Variants in PSMF1 observed in about 807,000 individuals in gnomAD.
The protein encoded by PSMF1 is proteasome inhibitor subunit 1.
Under a neutral mutation model 29.3 loss-of-function variants are expected in PSMF1, and 30 were observed. That is an observed-to-expected ratio of 1.02 (90% CI 0.77 to 1.39). The LOEUF (loss-of-function observed/expected upper bound fraction) is 1.39, where lower values mean the gene tolerates loss of function less well. PSMF1 is among the 40% of genes most tolerant of loss of function. The pLI, the probability that PSMF1 is intolerant of heterozygous loss-of-function variation, is 0.00. For synonymous variants in PSMF1, 134 were observed against 139.7 expected, an observed-to-expected ratio of 0.96 and a Z score of 0.29; for missense variants, 344 against 357.5, an observed-to-expected ratio of 0.96 and a Z score of 0.31.
chr20:1,147,534 T>G (rs2086469295), intron 4 of PSMF1, among the ~76,000 whole-genome samples: 1 of 152,208 alleles, frequency 6.6e-6, no homozygotes, highest in African/African-American at 2.4e-5. Flanking sequence ...TTTCTCCTCC[T>G]CAATTAAGTC....
rs2086693988 is a variant in PSMF1 at position 1,163,629 on chromosome 20, TA to T, written c.605+447del. Among the ~76,000 whole-genome samples, 1 of 152,210 alleles carries T rather than the reference TA, an allele frequency of 6.6e-6. No homozygotes were observed. Among genetic ancestry groups the T allele is most frequent in the Non-Finnish European group, 1.5e-5 (1 of 68,034 alleles). On this transcript the variant is annotated intron_variant, in intron 5 of 6. Transcript: ENST00000335877. This position sits in a 1 kb window ranked among gnomAD's most constrained non-coding sequence, Gnocchi z 6.1. ...ACTGTCTTCCCTGAATGATTCCAAA[TA>T]GATTTTAACCTCTGCTACAAAGTGA...
At chr20:1,153,627 TGA>T (rs2086558799) in intron 4 of PSMF1, among the ~76,000 whole-genome samples, 1 of 152,174 alleles carries the variant, frequency 6.6e-6, no homozygotes, top group Admixed American at 6.5e-5. Context: ...TGTGGAGTCT[TGA>T]GAGGGGATCG....
intron 1 of PSMF1, among the ~76,000 whole-genome samples, chr20:1,121,845 A>G (rs1344204124): frequency 2.0e-5 from 3 of 152,246 alleles, no homozygotes; most frequent in Non-Finnish European, 2.9e-5. Flanking sequence ...TCTTGAAGTC[A>G]GAACCACTCC....
At chr20:1,127,573 A>G (rs1206891498) in intron 3 of PSMF1, 65 bp downstream of exon 3, 6 of 1,311,828 alleles carry the variant, frequency 4.6e-6, no homozygotes, top group Middle Eastern at 3.6e-4. Flanking sequence ...GATATGAGGA[A>G]TAGGGTGGAT....
chr20:1,141,345 T>C (rs2086377320), intron 4 of PSMF1, among the ~76,000 whole-genome samples: 1 of 152,214 alleles, frequency 6.6e-6, no homozygotes. Context: ...AATAAAGCTA[T>C]AAAAAATGGG....
chr20:1,146,924 T>A (rs1414206789), intron 4 of PSMF1, among the ~76,000 whole-genome samples: 1 of 152,190 alleles, frequency 6.6e-6, no homozygotes, highest in Non-Finnish European at 1.5e-5. Context: ...GGATGCCCAT[T>A]CAGGTAGCTG....
At chr20:1,142,732 T>C (rs1009349040) in intron 4 of PSMF1, among the ~76,000 whole-genome samples, 1 of 152,232 alleles carries the variant, frequency 6.6e-6, no homozygotes, top group Non-Finnish European at 1.5e-5. Context: ...AATAAACATA[T>C]ATGTGCATGT....
At chr20:1,159,151 A>G (rs1204381952) in intron 4 of PSMF1, among the ~76,000 whole-genome samples, 1 of 152,104 alleles carries the variant, frequency 6.6e-6, no homozygotes, top group East Asian at 1.9e-4. Flanking sequence ...TTTGTTGAAT[A>G]TGAGCCAACT....
chr20:1,132,650 GT>G (rs2086245226), intron 3 of PSMF1, among the ~76,000 whole-genome samples: 1 of 152,140 alleles, frequency 6.6e-6, no homozygotes, highest in Non-Finnish European at 1.5e-5. Flanking sequence ...TTTGATAGGA[GT>G]TGCATTAAAC....
chr20:1,161,012 G>A, intron 4 of PSMF1: 1 of 386,926 alleles, frequency 2.6e-6, no homozygotes, highest in African/African-American at 2.1e-5. Context: ...CTATGCCTCT[G>A]GGCGCACCAC....
At chr20:1,161,754 T>C in intron 4 of PSMF1, 1 of 466,448 alleles carries the variant, frequency 2.1e-6, no homozygotes, top group South Asian at 2.7e-5. Context: ...CACGTATAAA[T>C]TTGCCCCTGA....
intron 4 of PSMF1, among the ~76,000 whole-genome samples, chr20:1,162,591 CA>C (rs1416887599): frequency 6.6e-6 from 1 of 152,256 alleles, no homozygotes; most frequent in East Asian, 1.9e-4. Flanking sequence ...CTAGAGATTA[CA>C]GTGGTTTGTG....
chr20:1,133,346 T>G (rs998629102), intron 3 of PSMF1, among the ~76,000 whole-genome samples: 12 of 150,956 alleles, frequency 7.9e-5, no homozygotes, highest in Non-Finnish European at 1.6e-4. Flanking sequence ...TCAATTGATA[T>G]GATCATATGA....
chr20:1,119,534 T>C (rs984309945), intron 1 of PSMF1, among the ~76,000 whole-genome samples: 1 of 152,152 alleles, frequency 6.6e-6, no homozygotes, highest in Non-Finnish European at 1.5e-5. Flanking sequence ...CCCAGAGTCG[T>C]ACACACATAC....
Position 1,164,316 on chromosome 20 carries a change from A to G in PSMF1, c.606-2A>G. The G allele has an allele frequency of 1.9e-6, 3 of 1,613,080 alleles. No individual in the cohort carries two copies. The highest frequency in any genetic ancestry group is 2.5e-6 in the Non-Finnish European group (3 of 1,179,060). ...CTTACCTAACTTTTCTTCTTGCCTC[A>G]GGCCTCGGAGAGGTGGCATGATTGT... On this transcript the variant is annotated splice_acceptor_variant, in intron 5 of 6. Transcript: ENST00000335877. LOFTEE classifies it high-confidence loss of function. This position sits in a 1 kb window ranked among gnomAD's most constrained non-coding sequence, Gnocchi z 4.1.
At chr20:1,115,644 T>C (rs530535198), upstream of PSMF1, among the ~76,000 whole-genome samples, 6 of 152,240 alleles carry the variant, frequency 3.9e-5, no homozygotes, top group African/African-American at 1.2e-4. Flanking sequence ...GGAGGCAACA[T>C]TGACCTTGTA....
In PSMF1 at chr20:1,166,082, T is replaced by G; in HGVS notation, c.*1002T>G. The G allele has an allele frequency of 6.6e-7, 1 of 1,518,720 alleles. No homozygotes were observed. Among genetic ancestry groups the G allele is most frequent in the South Asian group, 1.2e-5 (1 of 80,522 alleles). 94.1% of individuals were successfully genotyped at this position (1,518,720 alleles called of 1,614,324 possible). ...CTTGTGTGGTTCTTGCCTAACTCTG[T>G]GGTTTTTGGACCCCATGGGGCCCAG... is the stretch of plus-strand genomic sequence containing the variant. On this transcript the variant is annotated 3_prime_UTR_variant, in exon 7 of 7. Transcript: ENST00000335877.
At chr20:1,129,446 T>A (rs956562681) in intron 3 of PSMF1, among the ~76,000 whole-genome samples, 2 of 152,220 alleles carry the variant, frequency 1.3e-5, no homozygotes, top group Non-Finnish European at 2.9e-5. Flanking sequence ...TTCAAACCAC[T>A]GGCCTCCACA....
chr20:1,131,591 C>T (rs1369233931), intron 3 of PSMF1, among the ~76,000 whole-genome samples: 1 of 152,308 alleles, frequency 6.6e-6, no homozygotes, highest in Middle Eastern at 3.4e-3. Context: ...GCCCTGTCTC[C>T]CTCCTATGCC....
Sources: allele counts gnomAD v4.1 joint callset (sites outside exome capture counted in the v4.1 genomes callset), GRCh38; gene constraint gnomAD v4.1.1; non-coding constraint Gnocchi (gnomAD v3.1); transcripts MANE v1.5; gene names NCBI Gene and HGNC (gene_info 2026-07-23, HGNC 2026-07-21).